PHC1: variants seen among roughly 807,000 people sequenced by gnomAD.
The protein encoded by PHC1 is polyhomeotic-like protein 1.
PHC1 carries 12 observed loss-of-function variants against 104.3 expected under a neutral mutation model. The observed-to-expected ratio is 0.12, with a 90% CI of 0.07 to 0.19. The LOEUF is 0.19. Ranked by LOEUF, PHC1 falls within the 10% of genes least tolerant of loss-of-function variation. PHC1 has a pLI of 1.00. For synonymous variants in PHC1, 302 were observed against 455.8 expected (o/e 0.66, Z 4.30); for missense variants, 671 against 1,200.0 (o/e 0.56, Z 6.51).
chr12:8,921,235 T>C (rs973892652), intron 4 of PHC1, among the ~76,000 whole-genome samples, 170 bp downstream of exon 4: 4 of 152,122 alleles, frequency 2.6e-5, no homozygotes, highest in African/African-American at 9.7e-5. Context: ...TTAATCTATA[T>C]TGGAGTCTCT....
intron 6 of PHC1, among the ~76,000 whole-genome samples, chr12:8,924,819 T>C (rs759126275): frequency 1.3e-5 from 2 of 152,272 alleles, no homozygotes; most frequent in African/African-American, 2.4e-5. Flanking sequence ...TGCTAGCTAT[T>C]GAACAGCAGA....
At position 8,938,013 on chromosome 12, in the gene PHC1, G is replaced by C. The variant is rs903413544; in HGVS notation, c.2813G>C (p.Ser938Thr). ...CCTGTGTTCCTGTCCAGTAATCCCAGCCGTTGGAGTGTAGAGGAGGTGTAC... is the reference window on the plus strand; with the variant it reads ...CCTGTGTTCCTGTCCAGTAATCCCACCCGTTGGAGTGTAGAGGAGGTGTAC... The part of the protein sequence containing the change: ...INPVFLSSNP[S>T]RWSVEEVYEF... Residue 938 changes from serine to threonine, a missense_variant, in exon 14 of 15, where the codon AGC (serine) becomes ACC (threonine). Coordinates refer to ENST00000544916, the MANE Select transcript of PHC1 (RefSeq NM_004426.3). The C allele has an allele frequency of 2.5e-6, 4 of 1,609,088 alleles. No homozygotes were observed. Among genetic ancestry groups the C allele is most frequent in the Non-Finnish European group, 3.4e-6 (4 of 1,176,200 alleles).
At position 8,939,402 on chromosome 12, in the gene PHC1, C is replaced by T; in HGVS notation, c.2958C>T (p.Ile986=). 2 of 1,606,010 alleles carry T rather than the reference C, an allele frequency of 1.2e-6. No homozygotes were observed. The highest frequency in any genetic ancestry group is 1.7e-6 in the Non-Finnish European group (2 of 1,173,930). ...KEEHLMSAMN[I]KLGPALKICA... ...AACATCTTATGAGTGCCATGAACAT[C>T]AAGCTGGGCCCTGCCCTCAAGATCT... The change falls in exon 15 of 15, where the codon ATC becomes ATT. Residue 986 remains isoleucine, a synonymous_variant. Transcript: ENST00000544916.
chr12:8,933,832 A>G (rs780888570), intron 8 of PHC1, 33 bp from the exon 9 acceptor site: 2 of 1,576,470 alleles, frequency 1.3e-6, no homozygotes, highest in Non-Finnish European at 1.7e-6. Context: ...TCATTTGTAC[A>G]TCTTTGTTTC....
chr12:8,918,588 C>T (rs1318811868), intron 2 of PHC1, among the ~76,000 whole-genome samples: 1 of 152,088 alleles, frequency 6.6e-6, no homozygotes, highest in Non-Finnish European at 1.5e-5. Context: ...CTATCTTATC[C>T]TCCTGACTAG....
intron 8 of PHC1, chr12:8,933,653 A>G: frequency 1.7e-6 from 1 of 606,012 alleles, no homozygotes; most frequent in Non-Finnish European, 2.8e-6. Flanking sequence ...CAGGGTCTCA[A>G]GACCTAGGTC....
chr12:8,939,157 A>G (rs1945935275), intron 14 of PHC1, 148 bp from the exon 15 acceptor site: 2 of 976,044 alleles, frequency 2.0e-6, no homozygotes, highest in Non-Finnish European at 1.5e-6. Context: ...TTCTAATTTC[A>G]TTTTGCTTTT....
Position 8,934,298 on chromosome 12 carries a change from T to C in PHC1, c.2073T>C (p.Ala691=). Residue 691 remains alanine (A), a synonymous_variant, in exon 10 of 15, where the codon GCT becomes GCC. Coordinates refer to ENST00000544916, the MANE Select transcript of PHC1 (RefSeq NM_004426.3). ...CTGAATCAGTGGCTAATGTGAATGC[T>C]AATACTCCAAGCAGTGAACTAGTAG... ...EKAESVANVN[A]NTPSSELVAL... 3 of 1,614,132 alleles carry C rather than the reference T, an allele frequency of 1.9e-6. No individual in the cohort carries two copies. Among genetic ancestry groups the C allele is most frequent in the Non-Finnish European group, 2.5e-6 (3 of 1,179,968 alleles).
chr12:8,919,658 G>C lies in PHC1; in HGVS notation c.115-98G>C. 1 of 1,235,226 alleles carries C rather than the reference G, an allele frequency of 8.1e-7. No individual in the cohort carries two copies. Among genetic ancestry groups the C allele is most frequent in the African/African-American group, 1.5e-5 (1 of 67,048 alleles). 76.5% of individuals were successfully genotyped at this position (1,235,226 alleles called of 1,614,324 possible). A position where few individuals can be genotyped will look rare whatever the true frequency, so the allele number is the denominator to read the frequency against. ...CAAACTCCCATCTCCTCTGGTTTCT[G>C]TCCTTCCCATGGCCCCCTTTCACAC... On this transcript the variant is annotated intron_variant, in intron 2 of 14. Transcript: ENST00000544916. This position sits in a 1 kb window ranked among gnomAD's most constrained non-coding sequence, Gnocchi z 4.9.
chr12:8,923,723 G>A (rs552575342), intron 6 of PHC1, among the ~76,000 whole-genome samples: 5 of 151,540 alleles, frequency 3.3e-5, no homozygotes, highest in Non-Finnish European at 7.4e-5. Flanking sequence ...CCAACTACCT[G>A]GGAGGCTGAG....
chr12:8,932,032 G>T (rs773679681), intron 7 of PHC1, among the ~76,000 whole-genome samples: 1 of 152,300 alleles, frequency 6.6e-6, no homozygotes, highest in South Asian at 2.1e-4. Context: ...CTCAGATGGT[G>T]GTCTAAGCTG....
chr12:8,921,526 T>C (rs1945362905), intron 4 of PHC1, 75 bp from the exon 5 acceptor site: 3 of 1,343,218 alleles, frequency 2.2e-6, no homozygotes, highest in Admixed American at 3.6e-5. Flanking sequence ...TGTGTGACTC[T>C]GAATTTGTCA....
At chr12:8,930,411 A>G in intron 6 of PHC1, 24 bp from the exon 7 acceptor site, 1 of 1,599,820 alleles carries the variant, frequency 6.3e-7, no homozygotes, top group Non-Finnish European at 8.5e-7. Context: ...TCCTTTTCTC[A>G]ATCTGTTTTT....
intron 2 of PHC1, among the ~76,000 whole-genome samples, chr12:8,918,669 T>C (rs1056318725): frequency 3.3e-5 from 5 of 152,060 alleles, no homozygotes; most frequent in African/African-American, 1.2e-4. Context: ...CGGCATTTTG[T>C]TTATTTTCAC....
At chr12:8,935,958 T>G (rs944422377) in intron 11 of PHC1, among the ~76,000 whole-genome samples, 2 of 152,150 alleles carry the variant, frequency 1.3e-5, no homozygotes, top group South Asian at 4.2e-4. Flanking sequence ...ACGGGGTTTC[T>G]GCATGTTGGT....
chr12:8,917,007 A>G (rs1945222443), intron 1 of PHC1, among the ~76,000 whole-genome samples: 1 of 152,212 alleles, frequency 6.6e-6, no homozygotes, highest in Admixed American at 6.5e-5. Flanking sequence ...AGTGAATGAC[A>G]CTGCCTTAAT....
chr12:8,929,556 C>G (rs1389458254), intron 6 of PHC1, among the ~76,000 whole-genome samples: 1 of 148,094 alleles, frequency 6.8e-6, no homozygotes, highest in Non-Finnish European at 1.5e-5. Flanking sequence ...TGGACAGGGT[C>G]TCACTCTGTT....
At chr12:8,938,110 C>T (rs756628795) in intron 14 of PHC1, 50 bp downstream of exon 14, 1 of 1,235,160 alleles carries the variant, frequency 8.1e-7, no homozygotes, top group East Asian at 2.4e-5. Flanking sequence ...TTAACATCAT[C>T]CCACAGGGGC....
At chr12:8,926,962 G>A (rs1945530110) in intron 6 of PHC1, among the ~76,000 whole-genome samples, 2 of 152,082 alleles carry the variant, frequency 1.3e-5, no homozygotes, top group South Asian at 4.1e-4. Context: ...GGAGAGGAAC[G>A]TTTAATATGG....
Sources: allele counts gnomAD v4.1 joint callset (sites outside exome capture counted in the v4.1 genomes callset), GRCh38; gene constraint gnomAD v4.1.1; non-coding constraint Gnocchi (gnomAD v3.1); transcripts MANE v1.5; gene names NCBI Gene and HGNC (gene_info 2026-07-23, HGNC 2026-07-21).